TMEM176B: variants seen among roughly 807,000 people sequenced by gnomAD.
The protein encoded by TMEM176B is transmembrane protein 176B.
A neutral mutation model predicts 30.3 loss-of-function variants in TMEM176B; 28 were observed. That is an observed-to-expected ratio of 0.92 (90% CI 0.68 to 1.27). TMEM176B has a LOEUF of 1.27. TMEM176B is among the 50% of genes most tolerant of loss of function. The pLI, the probability that TMEM176B is intolerant of heterozygous loss-of-function variation, is 0.00. For synonymous variants in TMEM176B, 123 were observed against 130.3 expected, an observed-to-expected ratio of 0.94 and a Z score of 0.38; for missense variants, 349 against 327.4, an observed-to-expected ratio of 1.07 and a Z score of -0.51.
chr7:150,796,272 A>G (rs1466953745), intron 2 of TMEM176B, 94 bp downstream of exon 2: 2 of 1,257,680 alleles, frequency 1.6e-6, no homozygotes, highest in Non-Finnish European at 2.2e-6. Context: ...CCTCCCAAAT[A>G]AAACGTTTTA....
chr7:150,800,857 C>T (rs149708830), upstream of TMEM176B: 4,381 of 964,862 alleles, frequency 4.5e-3, 132 homozygotes, highest in African/African-American at 0.061. Context: ...CCCGGCGGCC[C>T]CCGGGCCTCC....
At chr7:150,798,427 C>T (rs954484372) in intron 1 of TMEM176B, among the ~76,000 whole-genome samples, 6 of 152,180 alleles carry the variant, frequency 3.9e-5, no homozygotes, top group Admixed American at 6.5e-5. Context: ...AGGCGCCCGC[C>T]ATCAAGCCCA....
chr7:150,792,964 T>C, intron 5 of TMEM176B, 124 bp downstream of exon 5: 2 of 855,178 alleles, frequency 2.3e-6, no homozygotes, highest in Non-Finnish European at 3.7e-6. Flanking sequence ...TAAAACCTCC[T>C]GAATGAAAGA....
chr7:150,793,671 G>T, intron 3 of TMEM176B, 71 bp from the exon 4 acceptor site: 1 of 1,521,714 alleles, frequency 6.6e-7, no homozygotes, highest in Non-Finnish European at 9.0e-7. Flanking sequence ...CCTCCCACCA[G>T]CAGTTCCCAG....
chr7:150,801,210 CG>C, upstream of TMEM176B: 1 of 212,172 alleles, frequency 4.7e-6, no homozygotes, highest in Non-Finnish European at 9.0e-6. Context: ...AGGAAGAGCC[CG>C]GGAGGAGGGG....
rs962989190 is a variant in TMEM176B at position 150,793,220 on chromosome 7, G to C, written c.468C>G (p.Pro156=). The C allele has an allele frequency of 6.2e-7, 1 of 1,614,220 alleles. No homozygotes were observed. The highest frequency in any genetic ancestry group is 1.3e-5 in the African/African-American group (1 of 75,048). The part of the protein sequence containing the change: ...CVNSFIWQTE[P]FLYIDTVCDR... Reference sequence around the variant, plus strand: ...CACACACAGTGTCGATGTATAAAAAGGGTTCAGTTTGCCAGATGAAGCTAT... The same window carrying C: ...CACACACAGTGTCGATGTATAAAAACGGTTCAGTTTGCCAGATGAAGCTAT... The change falls in exon 5 of 7, where the codon CCC becomes CCG. Residue 156 remains proline, a synonymous_variant. Coordinates refer to ENST00000326442, the MANE Select transcript of TMEM176B (RefSeq NM_001101312.2).
intron 1 of TMEM176B, among the ~76,000 whole-genome samples, chr7:150,797,976 G>T (rs1798590625): frequency 6.6e-6 from 1 of 152,164 alleles, no homozygotes; most frequent in Non-Finnish European, 1.5e-5. Context: ...TCACATGCAG[G>T]AGGCAAACTC....
At chr7:150,800,932 G>A (rs1422883813), upstream of TMEM176B, 61 of 985,572 alleles carry the variant, frequency 6.2e-5, no homozygotes, top group Non-Finnish European at 7.1e-5. Context: ...CCCACCCAGG[G>A]ATGACACTCC....
chr7:150,794,140 C>G, intron 2 of TMEM176B, 69 bp from the exon 3 acceptor site: 1 of 1,241,724 alleles, frequency 8.1e-7, no homozygotes, highest in Non-Finnish European at 1.2e-6. Context: ...CTGGGACCAG[C>G]TGCCTGGCTC....
chr7:150,799,806 C>G (rs1020783952), intron 1 of TMEM176B, among the ~76,000 whole-genome samples: 4 of 152,202 alleles, frequency 2.6e-5, no homozygotes, highest in African/African-American at 9.6e-5. Context: ...CCCACGCCAA[C>G]CCCTAGATCT....
intron 5 of TMEM176B, 64 bp downstream of exon 5, chr7:150,793,024 C>T (rs1798373781): frequency 2.0e-6 from 3 of 1,510,256 alleles, no homozygotes; most frequent in African/African-American, 2.7e-5. Context: ...TCCTCCAGGG[C>T]CCCCAGCTCC....
Position 150,793,182 on chromosome 7 carries a change from G to C in TMEM176B, c.506C>G (p.Pro169Arg). Residue 169 changes from proline to arginine, a missense_variant, in exon 5 of 7, where the codon CCT becomes CGT. Pro to Arg is a moderately radical substitution (Grantham distance 103, BLOSUM62 -2). Coordinates refer to ENST00000326442, the MANE Select transcript of TMEM176B (RefSeq NM_001101312.2). ...TCTGTACCCAGTGGTAGGGAAGACA[G>C]GGTCTGAGCGATCACACACAGTGTC... Reference protein sequence around the residue: ...YIDTVCDRSDPVFPTTGYRWM... With the variant: ...YIDTVCDRSDRVFPTTGYRWM... 6.2e-7 allele frequency: 1 copy of C among 1,614,222 alleles called. No individual in the cohort carries two copies. Among genetic ancestry groups the C allele is most frequent in the Non-Finnish European group, 8.5e-7 (1 of 1,180,042 alleles).
chr7:150,801,245 CT>C (rs1238126196), upstream of TMEM176B: 4 of 273,868 alleles, frequency 1.5e-5, no homozygotes, highest in East Asian at 2.1e-4. Flanking sequence ...GTGTGGGGCG[CT>C]GCTTGACCCA....
intron 6 of TMEM176B, 102 bp from the exon 7 acceptor site, chr7:150,791,725 A>T: frequency 8.9e-7 from 1 of 1,122,970 alleles, no homozygotes; most frequent in Non-Finnish European, 1.2e-6. Flanking sequence ...GAGGGAAAGG[A>T]AAAGGTGACA....
chr7:150,791,592 C>T lies in TMEM176B; in HGVS notation c.752G>A (p.Gly251Glu), dbSNP rs1798308269. The T allele has an allele frequency of 6.2e-7, 1 of 1,613,778 alleles. No homozygotes were observed. The highest frequency in any genetic ancestry group is 1.3e-5 in the African/African-American group (1 of 74,846). Residue 251 changes from glycine to glutamate, a missense_variant, in exon 7 of 7, where the codon GGG becomes GAG. By Grantham distance (98) the Gly-to-Glu change is moderately conservative. Transcript: ENST00000326442. ...GGGCGAAGGGGGCACTGAATTCTCC[C>T]CCAGTAGCCTCTTCTCTGATCCTTC... is the stretch of plus-strand genomic sequence containing the variant. ...NEEGSEKRLL[G>E]ENSVPPSPSR...
At chr7:150,799,211 C>T (rs749707792) in intron 1 of TMEM176B, among the ~76,000 whole-genome samples, 3 of 152,188 alleles carry the variant, frequency 2.0e-5, no homozygotes, top group Non-Finnish European at 4.4e-5. Context: ...GAAAATACAT[C>T]CTCTTTTTCT....
upstream of TMEM176B, chr7:150,800,957 A>G (rs13650): frequency 0.34 from 333,960 of 985,500 alleles, 60,698 homozygotes; most frequent in East Asian, 0.82. Flanking sequence ...AGGGGACTGC[A>G]GAGGAAGCCA....
rs1798377962 is a variant in TMEM176B at position 150,793,091 on chromosome 7, C to T, written c.597G>A (p.Leu199=). The part of the protein sequence containing the change: ...KEECRAYMQM[L]RKLFTAIRAL... Reference sequence around the variant, plus strand: ...AGACTGGACTCTTCCTGCTCACCCTCAGCATCTGCATGTAAGCTCTACACT... The same window carrying T: ...AGACTGGACTCTTCCTGCTCACCCTTAGCATCTGCATGTAAGCTCTACACT... Residue 199 remains leucine (L), a synonymous_variant, in exon 5 of 7, where the codon CTG becomes CTA. Transcript: ENST00000326442. The T allele has an allele frequency of 2.5e-6, 4 of 1,613,912 alleles. No homozygotes were observed. The highest frequency in any genetic ancestry group is 3.4e-6 in the Non-Finnish European group (4 of 1,179,948).
chr7:150,796,309 A>T, intron 2 of TMEM176B, 57 bp downstream of exon 2: 1 of 1,517,494 alleles, frequency 6.6e-7, no homozygotes, highest in Non-Finnish European at 9.1e-7. Context: ...TCTATATTTT[A>T]ATTGACCTCA....
Sources: allele counts gnomAD v4.1 joint callset (sites outside exome capture counted in the v4.1 genomes callset), GRCh38; gene constraint gnomAD v4.1.1; transcripts MANE v1.5; gene names NCBI Gene and HGNC (gene_info 2026-07-23, HGNC 2026-07-21).